The following CACNB2 variants were observed in gnomAD, a reference collection of about 807,000 sequenced individuals.
CACNB2 encodes the protein voltage-dependent L-type calcium channel subunit beta-2.
In CACNB2, 42 loss-of-function variants were observed where a neutral mutation model predicts 73.3. That is an observed-to-expected ratio of 0.57 (90% confidence interval 0.45 to 0.74). CACNB2 has a LOEUF of 0.74. Ranked by LOEUF, CACNB2 falls within the 30% of genes least tolerant of loss-of-function variation. CACNB2 has a pLI of 0.00. For missense variants in CACNB2, 940 were observed against 853.0 expected (o/e 1.10, Z -1.27); for synonymous variants, 348 against 310.3 (o/e 1.12, Z -1.28).
At chr10:18,292,813 A>G (rs1381555178) in intron 2 of CACNB2, among the ~76,000 whole-genome samples, 2 of 152,304 alleles carry the variant, frequency 1.3e-5, no homozygotes, top group East Asian at 1.9e-4. Context: ...TTGATACATT[A>G]AAATTAACAG....
chr10:18,429,029 A>C (rs1564537603), intron 3 of CACNB2, among the ~76,000 whole-genome samples: 1 of 152,174 alleles, frequency 6.6e-6, no homozygotes, highest in Non-Finnish European at 1.5e-5. Context: ...CATTTCTTTC[A>C]CATATCAAAG....
intron 2 of CACNB2, among the ~76,000 whole-genome samples, chr10:18,365,202 CT>C (rs1248702977): frequency 1.3e-5 from 2 of 152,132 alleles, no homozygotes; most frequent in African/African-American, 4.8e-5. Flanking sequence ...TTTCCTGCCC[CT>C]GAGTTTGGTT....
intron 2 of CACNB2, among the ~76,000 whole-genome samples, chr10:18,400,359 GAGA>G (rs576025884): frequency 3.9e-4 from 59 of 152,304 alleles, no homozygotes; most frequent in African/African-American, 1.3e-3. Context: ...TTGTTTTTGA[GAGA>G]AGGTTTCATC....
intron 2 of CACNB2, among the ~76,000 whole-genome samples, chr10:18,268,846 AG>A (rs1364747987): frequency 6.6e-6 from 1 of 152,192 alleles, no homozygotes; most frequent in Admixed American, 6.5e-5. Context: ...ATTGAGCAAA[AG>A]TAATTCATAA....
chr10:18,241,657 A>G (rs2036656354), intron 2 of CACNB2, among the ~76,000 whole-genome samples: 1 of 152,190 alleles, frequency 6.6e-6, no homozygotes, highest in Non-Finnish European at 1.5e-5. Flanking sequence ...AACCATGAAT[A>G]CAAAAATGAG....
At chr10:18,225,586 TTCC>T (rs2035959835) in intron 2 of CACNB2, among the ~76,000 whole-genome samples, 1 of 98,018 alleles carries the variant, frequency 1.0e-5, no homozygotes, top group Non-Finnish European at 2.4e-5. Context: ...CGCTCCTTCC[TTCC>T]TTCCTTCCTT....
chr10:18,202,384 C>T (rs1332969090), intron 2 of CACNB2, among the ~76,000 whole-genome samples: 1 of 152,180 alleles, frequency 6.6e-6, no homozygotes, highest in Non-Finnish European at 1.5e-5. Context: ...CTGATCTTCT[C>T]TGGGCCTTGG....
chr10:18,154,479 T>C (rs922951301), intron 2 of CACNB2, among the ~76,000 whole-genome samples: 1 of 152,058 alleles, frequency 6.6e-6, no homozygotes, highest in African/African-American at 2.4e-5. Flanking sequence ...TTTTTGTTTT[T>C]TGTTTTGAGG....
chr10:18,533,372 T>G (rs183619364), intron 10 of CACNB2: 3 of 152,204 alleles, frequency 2.0e-5, no homozygotes, highest in Non-Finnish European at 4.4e-5. Context: ...ACAGTCCGGT[T>G]TTTGAGTCTT....
At chr10:18,372,263 C>T (rs1429215063) in intron 2 of CACNB2, among the ~76,000 whole-genome samples, 2 of 152,178 alleles carry the variant, frequency 1.3e-5, no homozygotes, top group African/African-American at 2.4e-5. Context: ...GTGTTTTAGA[C>T]ATGAAGTCCT....
chr10:18,425,239 T>A (rs2045534731), intron 3 of CACNB2, among the ~76,000 whole-genome samples: 1 of 133,868 alleles, frequency 7.5e-6, no homozygotes, highest in African/African-American at 2.5e-5. Flanking sequence ...ATTATTTTTG[T>A]TGGTTATTTG....
In CACNB2 at chr10:18,150,880, T is replaced by TTTTTTTTTTTTTTTGA; in HGVS notation, c.121-3_121-2insTTTTTTTTTTTTTTGA. On this transcript the variant is annotated splice_polypyrimidine_tract_variant and splice_region_variant and intron_variant, in intron 1 of 13. Transcript: ENST00000324631. ...CTTTTTTTTTTTTTTTTTTTTTTTT[T>TTTTTTTTTTTTTTTGA]AGTCATATGGAAAAGGAGCCAGAAG... The TTTTTTTTTTTTTTTGA allele has an allele frequency of 1.5e-6, 2 of 1,300,366 alleles. No homozygotes were observed. The highest frequency in any genetic ancestry group is 2.1e-6 in the Non-Finnish European group (2 of 943,298). The allele number at this position is 1,300,366 out of a possible 1,614,324, so 80.6% of individuals were successfully genotyped here. A position where few individuals can be genotyped will look rare whatever the true frequency, so the allele number is the denominator to read the frequency against.
chr10:18,305,315 T>A (rs764379638), intron 2 of CACNB2, among the ~76,000 whole-genome samples: 3 of 152,220 alleles, frequency 2.0e-5, no homozygotes, highest in African/African-American at 7.2e-5. Flanking sequence ...AAGTTCAATA[T>A]TCAGAGGAAA....
At chr10:18,342,988 C>A (rs2041294722) in intron 2 of CACNB2, among the ~76,000 whole-genome samples, 1 of 152,112 alleles carries the variant, frequency 6.6e-6, no homozygotes, top group Admixed American at 6.6e-5. Flanking sequence ...CTTCTAAAGT[C>A]ATTCCAAACC....
intron 9 of CACNB2, among the ~76,000 whole-genome samples, chr10:18,525,308 T>C (rs1465255514): frequency 6.6e-6 from 1 of 152,192 alleles, no homozygotes; most frequent in Non-Finnish European, 1.5e-5. Flanking sequence ...TACTGTCATT[T>C]TAGTCAAAAA....
chr10:18,443,093 A>AT (rs1241993050), intron 3 of CACNB2, among the ~76,000 whole-genome samples: 5 of 148,266 alleles, frequency 3.4e-5, no homozygotes, highest in East Asian at 2.0e-4. Flanking sequence ...ACAGATCTTA[A>AT]TTTTTTCTAC....
At chr10:18,277,209 A>T (rs1214207698) in intron 2 of CACNB2, among the ~76,000 whole-genome samples, 2 of 152,230 alleles carry the variant, frequency 1.3e-5, no homozygotes, top group African/African-American at 4.8e-5. Flanking sequence ...AAGAATCTGC[A>T]TGGAAAAGGG....
intron 2 of CACNB2, among the ~76,000 whole-genome samples, chr10:18,184,343 G>A (rs913747430): frequency 2.0e-5 from 3 of 152,112 alleles, no homozygotes; most frequent in Admixed American, 6.6e-5. Context: ...AATGCTTTTT[G>A]TAATTTACTT....
intron 11 of CACNB2, among the ~76,000 whole-genome samples, chr10:18,535,877 A>G (rs2053523369): frequency 6.6e-6 from 1 of 152,092 alleles, no homozygotes; most frequent in Non-Finnish European, 1.5e-5. Flanking sequence ...AGGTTGTGAG[A>G]TAAAATGTTT....
Sources: gnomAD v4.1 joint callset for allele counts (sites outside exome capture counted in the v4.1 genomes callset) on GRCh38, gnomAD v4.1.1 for gene constraint, MANE v1.5 for transcripts, NCBI Gene and HGNC (gene_info 2026-07-23, HGNC 2026-07-21) for gene names.